Variants in TMEM132D observed in about 807,000 individuals in gnomAD.
The protein encoded by TMEM132D is mature OL transmembrane protein.
Under a neutral mutation model 62.3 loss-of-function variants are expected in TMEM132D, and 21 were observed. The observed-to-expected ratio is 0.34, with a 90% confidence interval of 0.24 to 0.49. TMEM132D has a LOEUF of 0.49. TMEM132D is among the 20% of genes least tolerant of loss of function. The pLI is 0.99. For missense variants in TMEM132D, 1,346 were observed against 1,402.8 expected, an observed-to-expected ratio of 0.96 and a Z score of 0.65; for synonymous variants, 621 against 575.6, an observed-to-expected ratio of 1.08 and a Z score of -1.13.
intron 5 of TMEM132D, among the ~76,000 whole-genome samples, chr12:129,167,158 T>TAAAA (rs758480068): frequency 1.0e-5 from 1 of 97,760 alleles, no homozygotes. Context: ...AGACTCTGTT[T>TAAAA]AAAAAAAAAA....
At chr12:129,163,365 A>G (rs977335669) in intron 5 of TMEM132D, among the ~76,000 whole-genome samples, 9 of 152,080 alleles carry the variant, frequency 5.9e-5, no homozygotes, top group African/African-American at 2.2e-4. Flanking sequence ...CTGCTTCCCC[A>G]TCTTCTGCCT....
At chr12:129,075,083 A>G (rs2135605893) in intron 8 of TMEM132D, 24 bp from the exon 9 acceptor site, 1 of 1,579,150 alleles carries the variant, frequency 6.3e-7, no homozygotes, top group South Asian at 1.1e-5. Context: ...TATGTAAGTT[A>G]ATCAAATGGG....
At chr12:129,771,171 G>A (rs1033472519) in intron 1 of TMEM132D, among the ~76,000 whole-genome samples, 13 of 152,210 alleles carry the variant, frequency 8.5e-5, no homozygotes, top group African/African-American at 2.9e-4. Flanking sequence ...ACTCTAAGAC[G>A]AGGGTACTCC....
chr12:129,871,498 A>G (rs1874241185), intron 1 of TMEM132D, among the ~76,000 whole-genome samples: 1 of 152,138 alleles, frequency 6.6e-6, no homozygotes, highest in South Asian at 2.1e-4. Flanking sequence ...TGTTTCAGAT[A>G]GTCTGAGTTG....
At chr12:129,696,490 C>G (rs2123073) in intron 2 of TMEM132D, among the ~76,000 whole-genome samples, 1 of 152,022 alleles carries the variant, frequency 6.6e-6, no homozygotes, top group African/African-American at 2.4e-5. Flanking sequence ...CTAGGCCCCC[C>G]GGCTGACTGT....
intron 2 of TMEM132D, among the ~76,000 whole-genome samples, chr12:129,540,986 T>C (rs1358930933): frequency 6.6e-6 from 1 of 152,140 alleles, no homozygotes; most frequent in East Asian, 1.9e-4. Flanking sequence ...CTTCACCCAC[T>C]GGATATGCAG....
intron 2 of TMEM132D, among the ~76,000 whole-genome samples, chr12:129,613,218 G>GT (rs768633401): frequency 1.4e-4 from 21 of 151,200 alleles, no homozygotes; most frequent in African/African-American, 2.7e-4. Flanking sequence ...CTTGGTTTAG[G>GT]TTTTTTTTTA....
At chr12:129,386,766 C>T (rs73422493) in intron 3 of TMEM132D, among the ~76,000 whole-genome samples, 17,559 of 151,276 alleles carry the variant, frequency 0.12, 1,082 homozygotes, top group East Asian at 0.28. Context: ...AATCATAATA[C>T]AAACACAAAT....
At chr12:129,430,679 A>G (rs1872630114) in intron 3 of TMEM132D, among the ~76,000 whole-genome samples, 1 of 152,134 alleles carries the variant, frequency 6.6e-6, no homozygotes, top group Admixed American at 6.6e-5. Context: ...AAATGGTGAC[A>G]TTAGAGGGTT....
At chr12:129,774,273 G>A (rs1389461704) in intron 1 of TMEM132D, among the ~76,000 whole-genome samples, 4 of 152,136 alleles carry the variant, frequency 2.6e-5, no homozygotes, top group Non-Finnish European at 5.9e-5. Flanking sequence ...CTGCCTCTCT[G>A]AGGACTTGGA....
chr12:129,698,108 C>T (rs182041463), intron 2 of TMEM132D: 2 of 152,228 alleles, frequency 1.3e-5, no homozygotes, highest in South Asian at 2.1e-4. Flanking sequence ...TATTTCTCTA[C>T]GTAAGCAGCC....
At chr12:129,192,606 A>G (rs772153768) in intron 5 of TMEM132D, among the ~76,000 whole-genome samples, 2 of 152,098 alleles carry the variant, frequency 1.3e-5, no homozygotes, top group Non-Finnish European at 2.9e-5. Context: ...TTGTTCACAT[A>G]TTTTTGCCAT....
At chr12:129,270,776 A>G (rs1365644251) in intron 4 of TMEM132D, among the ~76,000 whole-genome samples, 1 of 152,224 alleles carries the variant, frequency 6.6e-6, no homozygotes, top group Non-Finnish European at 1.5e-5. Flanking sequence ...TCCATTAACA[A>G]AAGGCTGTGG....
At position 129,153,049 on chromosome 12, in the gene TMEM132D, A is replaced by G. The variant is rs148829897; in HGVS notation, c.1443+56471T>C. Among the ~76,000 whole-genome samples the G allele has an allele frequency of 5.9e-3, 904 of 152,076 alleles. 9 individuals are homozygous for G. The highest frequency in any genetic ancestry group is 0.02 in the African/African-American group (824 of 41,460). On this transcript the variant is annotated intron_variant, in intron 5 of 8. Transcript: ENST00000422113. ...TTGTCTTTGCAGCCTGGGCAGTCGT[A>G]TTTGCTTCCTGCTATGACTATCTCT... is the stretch of plus-strand genomic sequence containing the variant.
At position 129,229,652 on chromosome 12, in the gene TMEM132D, A is replaced by C. The variant is rs1879581115; in HGVS notation, c.1300-19989T>G. 2.0e-5 allele frequency among the ~76,000 whole-genome samples: 3 copies of C among 152,256 alleles called. No individual in the cohort carries two copies. The South Asian group carries it at 6.2e-4, about 31-fold the overall frequency. ...AGGAATTAATTCAATTGGTATGGAA[A>C]GGACATAGAAAATTGATAAACATCA... On this transcript the variant is annotated intron_variant, in intron 4 of 8. Coordinates refer to ENST00000422113, the MANE Select transcript of TMEM132D (RefSeq NM_133448.3).
At chr12:129,256,307 G>A (rs1256530678) in intron 4 of TMEM132D, among the ~76,000 whole-genome samples, 1 of 152,212 alleles carries the variant, frequency 6.6e-6, no homozygotes, top group African/African-American at 2.4e-5. Context: ...AGGGAGCAGA[G>A]GACACGCAGT....
intron 5 of TMEM132D, among the ~76,000 whole-genome samples, chr12:129,205,991 A>G (rs1251931565): frequency 2.0e-5 from 3 of 152,222 alleles, no homozygotes; most frequent in Non-Finnish European, 4.4e-5. Context: ...ACTCAAAACT[A>G]TAGAAACCCT....
intron 3 of TMEM132D, among the ~76,000 whole-genome samples, chr12:129,469,209 G>A (rs1430219486): frequency 1.3e-5 from 2 of 152,188 alleles, no homozygotes; most frequent in East Asian, 3.9e-4. Flanking sequence ...CGTTAGTGGA[G>A]CAGCCCTTTA....
intron 1 of TMEM132D, among the ~76,000 whole-genome samples, chr12:129,802,778 T>G (rs1565991292): frequency 6.6e-6 from 1 of 151,524 alleles, no homozygotes; most frequent in Non-Finnish European, 1.5e-5. Flanking sequence ...ATCAGTGTGC[T>G]GTATTCAGGA....
Sources: gnomAD v4.1 joint callset for allele counts (sites outside exome capture counted in the v4.1 genomes callset) on GRCh38, gnomAD v4.1.1 for gene constraint, MANE v1.5 for transcripts, NCBI Gene and HGNC (gene_info 2026-07-23, HGNC 2026-07-21) for gene names.